The following SLC17A1 variants were observed in gnomAD, a reference collection of about 807,000 sequenced individuals.
The protein encoded by SLC17A1 is sodium-dependent phosphate transport protein 1.
A neutral mutation model predicts 53.5 loss-of-function variants in SLC17A1; 51 were observed. The observed-to-expected ratio is 0.95, with a 90% CI of 0.76 to 1.20. SLC17A1 has a LOEUF of 1.20. Ranked by LOEUF, SLC17A1 falls within the 50% of genes most tolerant of loss-of-function variation. The pLI is 0.00. For missense variants in SLC17A1, 538 were observed against 568.2 expected (o/e 0.95, Z 0.54); for synonymous variants, 179 against 198.8 (o/e 0.90, Z 0.84).
chr6:25,727,796 G>A, the SLC17A1 span, among the ~76,000 whole-genome samples: 2 of 151,960 alleles, frequency 1.3e-5, no homozygotes, highest in Non-Finnish European at 2.9e-5. Context: ...GAGGCTGGCG[G>A]TTCATGAGGT....
chr6:25,755,961 G>T, the SLC17A1 span, among the ~76,000 whole-genome samples: 1 of 152,030 alleles, frequency 6.6e-6, no homozygotes, highest in Non-Finnish European at 1.5e-5. Flanking sequence ...AGTCTTAGTG[G>T]CATATCTCCA....
chr6:25,795,844 A>G (rs1166769834), intron 12 of SLC17A1, among the ~76,000 whole-genome samples: 2 of 152,216 alleles, frequency 1.3e-5, no homozygotes, highest in African/African-American at 4.8e-5. Context: ...TAAGTTTATA[A>G]AGTCAAAAGT....
At chr6:25,748,157 C>T in the SLC17A1 span, among the ~76,000 whole-genome samples, 1 of 152,108 alleles carries the variant, frequency 6.6e-6, no homozygotes, top group African/African-American at 2.4e-5. Context: ...ATGTCTATGA[C>T]AGTCAGGAAC....
the SLC17A1 span, among the ~76,000 whole-genome samples, chr6:25,761,728 TAAGACCCA>T: frequency 6.6e-6 from 1 of 152,164 alleles, no homozygotes; most frequent in African/African-American, 2.4e-5. Context: ...ATATAAATAC[TAAGACCCA>T]GGGTAAACTG....
At chr6:25,731,881 T>A in the SLC17A1 span, 1 of 1,602,882 alleles carries the variant, frequency 6.2e-7, no homozygotes, top group African/African-American at 1.3e-5. Context: ...GCCGTCTGGA[T>A]CTCCCTGGAG....
the SLC17A1 span, among the ~76,000 whole-genome samples, chr6:25,763,564 C>A: frequency 1.3e-5 from 2 of 152,154 alleles, no homozygotes; most frequent in African/African-American, 4.8e-5. Context: ...GGTACCAGTA[C>A]CCCCATCTCC....
chr6:25,816,202 C>T (rs73383256), intron 6 of SLC17A1, among the ~76,000 whole-genome samples: 4,243 of 152,220 alleles, frequency 0.028, 170 homozygotes, highest in African/African-American at 0.092. Flanking sequence ...AAATCTCTGG[C>T]GACTAGACTG....
intron 6 of SLC17A1, among the ~76,000 whole-genome samples, chr6:25,816,045 A>C (rs1442017654): frequency 6.6e-6 from 1 of 151,868 alleles, no homozygotes; most frequent in Non-Finnish European, 1.5e-5. Flanking sequence ...CACTCTTGTT[A>C]ATTGGACTCT....
At chr6:25,775,186 G>C in the SLC17A1 span, among the ~76,000 whole-genome samples, 1 of 151,880 alleles carries the variant, frequency 6.6e-6, no homozygotes, top group African/African-American at 2.4e-5. Context: ...CAAAAAATTA[G>C]CCAGGTGTTG....
chr6:25,765,468 T>C, the SLC17A1 span, among the ~76,000 whole-genome samples: 1 of 152,220 alleles, frequency 6.6e-6, no homozygotes, highest in South Asian at 2.1e-4. Flanking sequence ...GTTGTTAGCT[T>C]TTACATCACA....
rs192506756 is a variant in SLC17A1 at position 25,785,691 on chromosome 6, A to G, written c.*3-2473T>C. 1.4e-4 allele frequency among the ~76,000 whole-genome samples: 22 copies of G among 152,330 alleles called. No homozygotes were observed. The East Asian group carries it at 4.0e-3, about 28-fold the overall frequency. On this transcript the variant is annotated intron_variant, in intron 12 of 12. Transcript: ENST00000244527. The stretch of plus-strand genomic sequence containing the variant: ...CACACTGAATATATATATTTCTGTA[A>G]AAAAACAGAAGAATAGCCAATAAGC...
chr6:25,818,739 T>C (rs1165085015), intron 6 of SLC17A1, among the ~76,000 whole-genome samples: 4 of 152,230 alleles, frequency 2.6e-5, no homozygotes, highest in Non-Finnish European at 5.9e-5. Flanking sequence ...CTTTGAATGT[T>C]AAGTATAAAA....
chr6:25,766,861 G>A, the SLC17A1 span, among the ~76,000 whole-genome samples: 1 of 152,156 alleles, frequency 6.6e-6, no homozygotes, highest in African/African-American at 2.4e-5. Flanking sequence ...CCAAAGAAGA[G>A]CCCAAGGAGA....
the SLC17A1 span, among the ~76,000 whole-genome samples, chr6:25,739,193 A>C: frequency 6.6e-6 from 1 of 152,196 alleles, no homozygotes; most frequent in Non-Finnish European, 1.5e-5. Flanking sequence ...GGCAGATCTG[A>C]TCTCTAGTGA....
At chr6:25,811,891 A>G (rs1165197) in intron 8 of SLC17A1, 121 bp from the exon 9 acceptor site, 21,265 of 1,028,210 alleles carry the variant, frequency 0.021, 1,080 homozygotes, top group African/African-American at 0.17. Context: ...GAAATCATCA[A>G]CATACAACAA....
chr6:25,734,005 G>A, the SLC17A1 span, among the ~76,000 whole-genome samples: 17 of 151,970 alleles, frequency 1.1e-4, no homozygotes, highest in East Asian at 1.9e-3. Context: ...TAGTAGAGAC[G>A]GGGTTTCACC....
At chr6:25,830,638 T>A in intron 1 of SLC17A1, 31 bp from the exon 2 acceptor site, 2 of 1,518,672 alleles carry the variant, frequency 1.3e-6, no homozygotes, top group Non-Finnish European at 1.8e-6. Context: ...GATGTCAGCA[T>A]AATGTAGAGA....
At chr6:25,805,738 AC>A (rs1309270639) in intron 10 of SLC17A1, among the ~76,000 whole-genome samples, 15 of 152,206 alleles carry the variant, frequency 9.9e-5, no homozygotes, top group Admixed American at 9.8e-4. Flanking sequence ...TACTATGAAC[AC>A]CTCTATGCAC....
chr6:25,744,690 T>C, the SLC17A1 span, among the ~76,000 whole-genome samples: 7 of 152,172 alleles, frequency 4.6e-5, no homozygotes, highest in African/African-American at 1.7e-4. Flanking sequence ...TCTTCCCAAC[T>C]CTGCATTCAA....
Sources: allele counts gnomAD v4.1 joint callset (sites outside exome capture counted in the v4.1 genomes callset), GRCh38; gene constraint gnomAD v4.1.1; transcripts MANE v1.5; gene names NCBI Gene and HGNC (gene_info 2026-07-23, HGNC 2026-07-21).